Variants in ANKRD22 observed in about 807,000 individuals in gnomAD.
ANKRD22 encodes ankyrin repeat domain 22.
ANKRD22 carries 24 observed loss-of-function variants against 25.7 expected under a neutral mutation model. The ratio of observed to expected loss-of-function variants is 0.93; its 90% CI spans 0.68 to 1.31. The LOEUF is 1.31. Among genes scored for constraint, ANKRD22 ranks in the 50% most tolerant of loss-of-function variants. The pLI is 0.00. For missense variants in ANKRD22, 214 were observed against 227.1 expected, an observed-to-expected ratio of 0.94 and a Z score of 0.37; for synonymous variants, 84 against 84.3, an observed-to-expected ratio of 1.00 and a Z score of 0.02.
At chr10:88,825,011 T>TCACACACACACACA (rs71022545) in intron 4 of ANKRD22, among the ~76,000 whole-genome samples, 1 of 111,418 alleles carries the variant, frequency 9.0e-6, no homozygotes, top group African/African-American at 2.9e-5. Context: ...TCTCTCTCTC[T>TCACACACACACACA]CACACACACA....
chr10:88,848,796 T>C (rs1844077106), intron 1 of ANKRD22, among the ~76,000 whole-genome samples: 1 of 152,200 alleles, frequency 6.6e-6, no homozygotes, highest in African/African-American at 2.4e-5. Flanking sequence ...ACATCTCTAT[T>C]CCTGTATTCC....
At chr10:88,849,663 C>A (rs966322995) in intron 1 of ANKRD22, among the ~76,000 whole-genome samples, 1 of 152,076 alleles carries the variant, frequency 6.6e-6, no homozygotes, top group African/African-American at 2.4e-5. Context: ...ATATAAAGTG[C>A]TTAAAATAGG....
At chr10:88,823,867 A>G (rs536029553) in intron 4 of ANKRD22, among the ~76,000 whole-genome samples, 109 of 148,786 alleles carry the variant, frequency 7.3e-4, no homozygotes, top group Middle Eastern at 7.2e-3. Context: ...GTCTCAATGT[A>G]TATGTATGTT....
intron 3 of ANKRD22, 77 bp downstream of exon 3, chr10:88,828,482 C>T: frequency 9.1e-7 from 1 of 1,096,238 alleles, no homozygotes; most frequent in African/African-American, 1.6e-5. Flanking sequence ...TTCAACATCT[C>T]ACTGGCCTGG....
chr10:88,842,795 GA>G (rs1354479495), intron 1 of ANKRD22, among the ~76,000 whole-genome samples: 1 of 151,878 alleles, frequency 6.6e-6, no homozygotes, highest in Non-Finnish European at 1.5e-5. Context: ...ATAATGACAG[GA>G]AAAAAATATC....
In ANKRD22 at chr10:88,822,361, T is replaced by G. The variant is rs1843805611; in HGVS notation, c.*580A>C. On this transcript the variant is annotated 3_prime_UTR_variant, in exon 6 of 6. Transcript: ENST00000371930. ...TACCATTCTGTACAAACATACGTATTTAATAATTTGATTCTTCTGCTCAAT... is the reference window on the plus strand; with the variant it reads ...TACCATTCTGTACAAACATACGTATGTAATAATTTGATTCTTCTGCTCAAT... 6.6e-6 allele frequency: 1 copy of G among 151,958 alleles called. No individual in the cohort carries two copies. Among genetic ancestry groups the G allele is most frequent in the African/African-American group, 2.4e-5 (1 of 41,350 alleles). 9.4% of individuals were successfully genotyped at this position (151,958 alleles called of 1,614,324 possible). A position where few individuals can be genotyped will look rare whatever the true frequency, so the allele number is the denominator to read the frequency against.
At chr10:88,827,471 C>A (rs1339616785) in intron 3 of ANKRD22, among the ~76,000 whole-genome samples, 1 of 152,122 alleles carries the variant, frequency 6.6e-6, no homozygotes, top group East Asian at 1.9e-4. Flanking sequence ...GTAATTTTTA[C>A]CTTTAGAATC....
rs147981142 is a variant in ANKRD22 at position 88,840,990 on chromosome 10, G to C, written c.22-8964C>G. Among the ~76,000 whole-genome samples, 43 of 152,202 alleles carry C rather than the reference G, an allele frequency of 2.8e-4. No individual in the cohort carries two copies. In the East Asian group the frequency reaches 8.3e-3, roughly 29 times the overall value. On this transcript the variant is annotated intron_variant, in intron 1 of 5. Coordinates refer to ENST00000371930, the MANE Select transcript of ANKRD22 (RefSeq NM_144590.3). ...GGCTGGAACGTGTAGAGAAGTCATA[G>C]TTCCTCATGAACGATAGCAGAAGGG...
Position 88,820,139 on chromosome 10 carries a change from A to G in ANKRD22, c.*2802T>C. The G allele has an allele frequency of 9.4e-7, 1 of 1,058,418 alleles. No homozygotes were observed. Among genetic ancestry groups the G allele is most frequent in the Non-Finnish European group, 1.3e-6 (1 of 743,294 alleles). 65.6% of individuals were successfully genotyped at this position (1,058,418 alleles called of 1,614,324 possible). On this transcript the variant is annotated 3_prime_UTR_variant, in exon 6 of 6. Transcript: ENST00000371930. ...ACACCCATGTACCCTTCACCACAAC[A>G]GATGGCATGTTTATTATGTCTATTT... is the stretch of plus-strand genomic sequence containing the variant.
intron 2 of ANKRD22, 69 bp downstream of exon 2, chr10:88,831,766 C>T (rs1225927513): frequency 1.4e-6 from 2 of 1,449,354 alleles, no homozygotes; most frequent in South Asian, 1.5e-5. Flanking sequence ...ACATGCACCA[C>T]TTCTAGTGAT....
chr10:88,820,545 G>T lies in ANKRD22; in HGVS notation c.*2396C>A. ...TCTTAGGACAACCTCCTGAGGGATGGGGCTAGGACCCATGAAGGCAGAATT... is the reference window on the plus strand; with the variant it reads ...TCTTAGGACAACCTCCTGAGGGATGTGGCTAGGACCCATGAAGGCAGAATT... On this transcript the variant is annotated 3_prime_UTR_variant, in exon 6 of 6. Transcript: ENST00000371930. 6.6e-7 allele frequency: 1 copy of T among 1,515,176 alleles called. No individual in the cohort carries two copies. The allele number at this position is 1,515,176 out of a possible 1,614,324, so 93.9% of individuals were successfully genotyped here. A position where few individuals can be genotyped will look rare whatever the true frequency, so the allele number is the denominator to read the frequency against.
intron 2 of ANKRD22, 27 bp from the exon 3 acceptor site, chr10:88,828,693 C>G: frequency 1.3e-6 from 2 of 1,489,774 alleles, no homozygotes; most frequent in Non-Finnish European, 1.8e-6. Flanking sequence ...GGATTCTTTA[C>G]TAATAAAGCA....
At chr10:88,827,002 C>T (rs531855477) in intron 3 of ANKRD22, among the ~76,000 whole-genome samples, 4 of 152,184 alleles carry the variant, frequency 2.6e-5, no homozygotes, top group African/African-American at 9.7e-5. Flanking sequence ...CTCAGAAATT[C>T]ACTTTTCCTT....
At chr10:88,827,397 T>C (rs1843865436) in intron 3 of ANKRD22, among the ~76,000 whole-genome samples, 1 of 152,218 alleles carries the variant, frequency 6.6e-6, no homozygotes, top group Non-Finnish European at 1.5e-5. Flanking sequence ...CTCTAAACAT[T>C]GAACCATCTT....
In ANKRD22 at chr10:88,820,489, G is replaced by A; in HGVS notation, c.*2452C>T. 2 of 1,550,744 alleles carry A rather than the reference G, an allele frequency of 1.3e-6. No individual in the cohort carries two copies. Among genetic ancestry groups the A allele is most frequent in the Non-Finnish European group, 1.7e-6 (2 of 1,146,846 alleles). ...CCAACCTTTCCCAGGGACGGTGTGA[G>A]GCCGTATTGTGAAGCATCTGACACT... On this transcript the variant is annotated 3_prime_UTR_variant, in exon 6 of 6. Transcript: ENST00000371930.
chr10:88,822,940 A>T lies in ANKRD22; in HGVS notation c.*1T>A. On this transcript the variant is annotated 3_prime_UTR_variant, in exon 6 of 6. Coordinates refer to ENST00000371930, the MANE Select transcript of ANKRD22 (RefSeq NM_144590.3). ...TATCTCCATCGGTGTGGTCACAAGG[A>T]TTACAATGCTTTCCTTAGCATTAAT... 1 of 1,606,788 alleles carries T rather than the reference A, an allele frequency of 6.2e-7. No individual in the cohort carries two copies. The highest frequency in any genetic ancestry group is 8.5e-7 in the Non-Finnish European group (1 of 1,173,356).
At chr10:88,835,980 G>A (rs1843950709) in intron 1 of ANKRD22, among the ~76,000 whole-genome samples, 1 of 152,124 alleles carries the variant, frequency 6.6e-6, no homozygotes, top group South Asian at 2.1e-4. Flanking sequence ...GGCACCCTGG[G>A]TGTAGAAGAA....
chr10:88,840,119 A>AT (rs1843990965), intron 1 of ANKRD22, among the ~76,000 whole-genome samples: 1 of 152,162 alleles, frequency 6.6e-6, no homozygotes, highest in Admixed American at 6.5e-5. Context: ...ATTAGGAAAA[A>AT]TTTTTTGTGT....
At chr10:88,843,751 T>C (rs927593887) in intron 1 of ANKRD22, among the ~76,000 whole-genome samples, 20 of 152,314 alleles carry the variant, frequency 1.3e-4, no homozygotes, top group African/African-American at 4.8e-4. Context: ...GGAGAATTAT[T>C]TGTGTCTGGC....
Sources: gnomAD v4.1 joint callset for allele counts (sites outside exome capture counted in the v4.1 genomes callset) on GRCh38, gnomAD v4.1.1 for gene constraint, MANE v1.5 for transcripts, NCBI Gene and HGNC (gene_info 2026-07-23, HGNC 2026-07-21) for gene names.